Variants in DNAH6 observed in about 807,000 individuals in gnomAD.
DNAH6 encodes dynein axonemal heavy chain 6.
DNAH6 carries 340 observed loss-of-function variants against 491.4 expected under a neutral mutation model. The ratio of observed to expected loss-of-function variants is 0.69; its 90% CI spans 0.63 to 0.76. The LOEUF is 0.76. Among genes scored for constraint, DNAH6 ranks in the 30% least tolerant of loss-of-function variants. The probability of loss-of-function intolerance (pLI) is 0.00; values close to 1 mark genes in which losing one functional copy is unlikely to be tolerated. For missense variants in DNAH6, 4,443 were observed against 4,972.2 expected (o/e 0.89, Z 3.20); for synonymous variants, 1,603 against 1,686.1 (o/e 0.95, Z 1.21).
chr2:84,531,958 G>A (rs17758259), intron 4 of DNAH6, among the ~76,000 whole-genome samples: 2,523 of 152,162 alleles, frequency 0.017, 33 homozygotes, highest in Non-Finnish European at 0.026. Flanking sequence ...GGGTTATTTG[G>A]TGATTTTAAA....
chr2:84,718,108 T>C (rs1697726352), intron 58 of DNAH6, 96 bp from the exon 59 acceptor site: 1 of 1,056,584 alleles, frequency 9.5e-7, no homozygotes, highest in Admixed American at 3.2e-5. Flanking sequence ...TGAATAGTAT[T>C]CAGAATAAGA....
Position 84,644,750 on chromosome 2 carries a change from G to A in DNAH6, c.5078+2696G>A, listed in dbSNP as rs543821608. ...GATAATGGCCTCCAGCTCCATCCAC[G>A]TTCCTGCAAAGGATATAATCTCATT... On this transcript the variant is annotated intron_variant, in intron 33 of 76. Transcript: ENST00000389394. 3.3e-5 allele frequency among the ~76,000 whole-genome samples: 5 copies of A among 152,202 alleles called. No individual in the cohort carries two copies. The East Asian group carries it at 5.8e-4, about 18-fold the overall frequency.
chr2:84,594,549 G>C (rs1462343929), intron 17 of DNAH6, among the ~76,000 whole-genome samples: 1 of 152,130 alleles, frequency 6.6e-6, no homozygotes, highest in African/African-American at 2.4e-5. Context: ...TTTTAAATTA[G>C]AGAGCCAAAT....
chr2:84,574,917 C>T (rs1468935107), intron 12 of DNAH6, among the ~76,000 whole-genome samples: 3 of 152,180 alleles, frequency 2.0e-5, no homozygotes, highest in African/African-American at 7.2e-5. Flanking sequence ...AAGTTCCCAT[C>T]AGCATGCAGT....
intron 64 of DNAH6, among the ~76,000 whole-genome samples, chr2:84,768,082 A>G (rs1471094896): frequency 1.3e-5 from 2 of 152,144 alleles, no homozygotes; most frequent in Admixed American, 6.5e-5. Context: ...GAAACCCAAA[A>G]ATAAATTAAG....
chr2:84,654,080 A>G (rs909176297), intron 34 of DNAH6, among the ~76,000 whole-genome samples: 3 of 152,062 alleles, frequency 2.0e-5, no homozygotes, highest in African/African-American at 7.2e-5. Flanking sequence ...AGTACAATAA[A>G]CTCTGGCTTC....
chr2:84,744,063 T>G (rs1159357591), intron 62 of DNAH6, among the ~76,000 whole-genome samples: 3 of 152,326 alleles, frequency 2.0e-5, no homozygotes, highest in Middle Eastern at 3.4e-3. Flanking sequence ...CTTGTAATTG[T>G]CTATATTCCA....
At chr2:84,799,531 T>C (rs1404712636) in intron 70 of DNAH6, among the ~76,000 whole-genome samples, 2 of 152,228 alleles carry the variant, frequency 1.3e-5, no homozygotes, top group Non-Finnish European at 2.9e-5. Context: ...AGGTGCCATA[T>C]TGGTTGTACA....
In DNAH6 at chr2:84,517,802, T is replaced by G. The variant is rs891765765; in HGVS notation, c.-8-17T>G. The G allele has an allele frequency of 3.9e-6, 6 of 1,530,730 alleles. No individual in the cohort carries two copies. The highest frequency in any genetic ancestry group is 5.3e-6 in the Non-Finnish European group (6 of 1,133,032). The allele number at this position is 1,530,730 out of a possible 1,614,324, so 94.8% of individuals were successfully genotyped here. ...GATCTACTTTTCATTTTCTTTTTCC[T>G]CACCTATTCTTTTCAGGAGTAAGGA... On this transcript the variant is annotated splice_polypyrimidine_tract_variant and intron_variant, in intron 1 of 76. Coordinates refer to ENST00000389394, the MANE Select transcript of DNAH6 (RefSeq NM_001370.2).
the DNAH6 span, among the ~76,000 whole-genome samples, chr2:84,496,871 C>G: frequency 1.3e-4 from 20 of 152,246 alleles, no homozygotes; most frequent in African/African-American, 4.3e-4. Context: ...TCTCCTACCC[C>G]TCTCCCAGCC....
At chr2:84,476,466 C>G in the DNAH6 span, among the ~76,000 whole-genome samples, 1 of 152,284 alleles carries the variant, frequency 6.6e-6, no homozygotes, top group Non-Finnish European at 1.5e-5. Flanking sequence ...CAGTTGGAAC[C>G]GACGGGCTAG....
intron 60 of DNAH6, among the ~76,000 whole-genome samples, chr2:84,723,333 A>G (rs1698340593): frequency 6.6e-6 from 1 of 152,128 alleles, no homozygotes. Flanking sequence ...AGGTATATAT[A>G]AAATTTGAAT....
intron 68 of DNAH6, 133 bp from the exon 69 acceptor site, chr2:84,796,173 A>G: frequency 1.7e-6 from 1 of 577,980 alleles, no homozygotes; most frequent in Non-Finnish European, 2.8e-6. Context: ...GGTGGAAGGA[A>G]ATTCTGTTGT....
At chr2:84,776,045 T>C (rs1408736574) in intron 64 of DNAH6, among the ~76,000 whole-genome samples, 1 of 152,208 alleles carries the variant, frequency 6.6e-6, no homozygotes, top group Non-Finnish European at 1.5e-5. Context: ...GTTGGTTGTA[T>C]TGTTTATATG....
intron 70 of DNAH6, among the ~76,000 whole-genome samples, chr2:84,803,743 C>T (rs985373226): frequency 1.3e-4 from 19 of 151,976 alleles, no homozygotes; most frequent in African/African-American, 4.6e-4. Context: ...CTTGCGAAGA[C>T]ATAGAAAGGC....
the DNAH6 span, among the ~76,000 whole-genome samples, chr2:84,505,353 T>C: frequency 6.6e-6 from 1 of 152,298 alleles, no homozygotes; most frequent in East Asian, 1.9e-4. Context: ...TTTTCTTGAC[T>C]AATTTCCCTG....
At chr2:84,595,330 T>C (rs1190517790) in intron 17 of DNAH6, among the ~76,000 whole-genome samples, 1 of 152,172 alleles carries the variant, frequency 6.6e-6, no homozygotes, top group Non-Finnish European at 1.5e-5. Context: ...AATAGAAGAC[T>C]ACTAGGTGAG....
At chr2:84,532,231 T>C (rs1226943601) in intron 4 of DNAH6, among the ~76,000 whole-genome samples, 1 of 152,118 alleles carries the variant, frequency 6.6e-6, no homozygotes, top group Admixed American at 6.6e-5. Flanking sequence ...ACTAGGGAAA[T>C]TGAGTTGATG....
At position 84,665,915 on chromosome 2, in the gene DNAH6, G is replaced by A. The variant is rs188017131; in HGVS notation, c.6085-3374G>A. On this transcript the variant is annotated intron_variant, in intron 37 of 76. Transcript: ENST00000389394. ...AAGCTTATCCACCACGATCAAGTGG[G>A]CTTCATCCCTGGGATGCACGGCTGG... 6.7e-4 allele frequency among the ~76,000 whole-genome samples: 102 copies of A among 152,218 alleles called. 1 individual carries two copies. The highest frequency in any genetic ancestry group is 2.3e-3 in the African/African-American group (96 of 41,522).
Sources: gnomAD v4.1 joint callset for allele counts (sites outside exome capture counted in the v4.1 genomes callset) on GRCh38, gnomAD v4.1.1 for gene constraint, MANE v1.5 for transcripts, NCBI Gene and HGNC (gene_info 2026-07-23, HGNC 2026-07-21) for gene names.